The following BACH2 variants were observed in gnomAD, a reference collection of about 807,000 sequenced individuals.
BACH2 encodes transcription regulator protein BACH2.
In BACH2, 5 loss-of-function variants were observed where a neutral mutation model predicts 61.8. The ratio of observed to expected loss-of-function variants is 0.08; its 90% CI spans 0.04 to 0.17. The LOEUF (loss-of-function observed/expected upper bound fraction) is 0.17, where lower values mean the gene tolerates loss of function less well. Among genes scored for constraint, BACH2 ranks in the 10% least tolerant of loss-of-function variants. BACH2 has a pLI of 1.00. For synonymous variants in BACH2, 446 were observed against 440.1 expected (o/e 1.01, Z -0.17); for missense variants, 824 against 1,091.1 (o/e 0.76, Z 3.45).
intron 5 of BACH2, among the ~76,000 whole-genome samples, chr6:90,052,872 A>AT (rs1780122339): frequency 6.6e-6 from 1 of 152,166 alleles, no homozygotes. Context: ...TGTTTACTCT[A>AT]TTTTTTAGCC....
At chr6:90,053,021 A>G (rs1021145541) in intron 5 of BACH2, among the ~76,000 whole-genome samples, 4 of 152,154 alleles carry the variant, frequency 2.6e-5, no homozygotes, top group African/African-American at 9.6e-5. Context: ...AATCAGGCTT[A>G]GAAGTTATAC....
At chr6:90,089,478 T>C (rs192901356) in intron 4 of BACH2, among the ~76,000 whole-genome samples, 45 of 152,202 alleles carry the variant, frequency 3.0e-4, no homozygotes, top group African/African-American at 1.1e-3. Context: ...CACCTTGGTT[T>C]AAAAGACACA....
intron 1 of BACH2, among the ~76,000 whole-genome samples, chr6:90,294,870 C>T: frequency 6.6e-6 from 1 of 152,216 alleles, no homozygotes; most frequent in East Asian, 1.9e-4. Context: ...TCTGAGAAAA[C>T]CGTTATCAGC....
At chr6:90,214,056 GA>G (rs376665277) in intron 3 of BACH2, among the ~76,000 whole-genome samples, 78 of 151,698 alleles carry the variant, frequency 5.1e-4, no homozygotes, top group African/African-American at 5.6e-4. Context: ...CACTTTAGAA[GA>G]AAAAAAACTA....
At chr6:90,289,028 A>G (rs1772105853) in intron 1 of BACH2, among the ~76,000 whole-genome samples, 1 of 152,212 alleles carries the variant, frequency 6.6e-6, no homozygotes, top group Non-Finnish European at 1.5e-5. Context: ...CTAAATGGAC[A>G]CTAAAACCTA....
intron 4 of BACH2, among the ~76,000 whole-genome samples, chr6:90,160,225 C>A (rs1393352564): frequency 6.6e-6 from 1 of 152,148 alleles, no homozygotes. Flanking sequence ...AGGCCTTAGA[C>A]AATACACAAA....
intron 4 of BACH2, among the ~76,000 whole-genome samples, chr6:90,176,742 T>C (rs889238676): frequency 5.3e-5 from 8 of 152,176 alleles, no homozygotes; most frequent in Non-Finnish European, 1.2e-4. Context: ...CCAAACCAGA[T>C]GCAATGCCCT....
intron 4 of BACH2, among the ~76,000 whole-genome samples, chr6:90,187,602 TCA>T (rs886208072): frequency 5.3e-5 from 8 of 152,172 alleles, no homozygotes; most frequent in Non-Finnish European, 7.3e-5. Flanking sequence ...CTGGATCTGT[TCA>T]CAGAGACGGG....
intron 5 of BACH2, among the ~76,000 whole-genome samples, chr6:90,017,266 G>A (rs114441706): frequency 6.6e-6 from 1 of 151,300 alleles, no homozygotes; most frequent in Non-Finnish European, 1.5e-5. Context: ...TTTTTTTGAG[G>A]TGGAGTTCAG....
chr6:89,983,927 C>T (rs1290868583), intron 6 of BACH2, among the ~76,000 whole-genome samples: 1 of 152,188 alleles, frequency 6.6e-6, no homozygotes, highest in African/African-American at 2.4e-5. Flanking sequence ...GGTCTTATTA[C>T]TCCTTGCTTA....
intron 4 of BACH2, among the ~76,000 whole-genome samples, chr6:90,135,553 C>A (rs190303837): frequency 6.6e-6 from 1 of 151,968 alleles, no homozygotes; most frequent in South Asian, 2.1e-4. Context: ...GTCTCTACCC[C>A]AAAACACAAA....
Position 90,042,154 on chromosome 6 carries a change from A to G in BACH2, c.-12-33298T>C, listed in dbSNP as rs148869376. Among the ~76,000 whole-genome samples, 450 of 152,244 alleles carry G rather than the reference A, an allele frequency of 3.0e-3. 1 individual carries two copies. The highest frequency in any genetic ancestry group is 0.01 in the African/African-American group (433 of 41,530). ...GATGTTAGAAAAGACCACTAAAGGA[A>G]CCCAGCAGTAAGTCTGTTGTAGGGT... On this transcript the variant is annotated intron_variant, in intron 5 of 8. Transcript: ENST00000257749.
At chr6:90,042,165 A>T (rs1011855462) in intron 5 of BACH2, among the ~76,000 whole-genome samples, 1 of 152,102 alleles carries the variant, frequency 6.6e-6, no homozygotes, top group African/African-American at 2.4e-5. Flanking sequence ...CCCAGCAGTA[A>T]GTCTGTTGTA....
intron 4 of BACH2, among the ~76,000 whole-genome samples, chr6:90,124,360 C>T (rs1783761056): frequency 6.6e-6 from 1 of 152,200 alleles, no homozygotes; most frequent in Admixed American, 6.5e-5. Context: ...TCTCAGGAAA[C>T]TTTCCACGTG....
At chr6:90,224,416 G>A (rs550399787) in intron 3 of BACH2, among the ~76,000 whole-genome samples, 2 of 152,306 alleles carry the variant, frequency 1.3e-5, no homozygotes, top group South Asian at 4.1e-4. Flanking sequence ...TGTGTGACAA[G>A]AGGAATTTGC....
At chr6:89,965,005 C>G (rs1052587687) in intron 6 of BACH2, among the ~76,000 whole-genome samples, 3 of 152,194 alleles carry the variant, frequency 2.0e-5, no homozygotes, top group Non-Finnish European at 4.4e-5. Context: ...GTGCCTCAAC[C>G]TCCCAAGTAG....
intron 6 of BACH2, among the ~76,000 whole-genome samples, chr6:89,988,413 G>A (rs1776358340): frequency 1.3e-5 from 2 of 152,020 alleles, no homozygotes; most frequent in Admixed American, 1.3e-4. Context: ...TATTTTCTTG[G>A]GCTTGACATA....
intron 1 of BACH2, among the ~76,000 whole-genome samples, chr6:90,277,952 C>A (rs9451373): frequency 0.034 from 5,138 of 152,260 alleles, 294 homozygotes; most frequent in African/African-American, 0.12. Context: ...TGGTTCTACA[C>A]AAAATGTTAG....
intron 4 of BACH2, among the ~76,000 whole-genome samples, chr6:90,146,879 A>G (rs1044143576): frequency 5.3e-5 from 8 of 152,228 alleles, no homozygotes; most frequent in Admixed American, 3.9e-4. Flanking sequence ...GATTAAAACT[A>G]TTCATTTCAG....
Sources: gnomAD v4.1 joint callset for allele counts (sites outside exome capture counted in the v4.1 genomes callset) on GRCh38, gnomAD v4.1.1 for gene constraint, MANE v1.5 for transcripts, NCBI Gene and HGNC (gene_info 2026-07-23, HGNC 2026-07-21) for gene names.